Variants in SLC1A2 observed in about 807,000 individuals in gnomAD.
SLC1A2 encodes solute carrier family 1 member 2, also known as excitatory amino acid transporter 2.
Under a neutral mutation model 48.8 loss-of-function variants are expected in SLC1A2, and 15 were observed. That is an observed-to-expected ratio of 0.31 (90% CI 0.21 to 0.47). The LOEUF is 0.47. Among genes scored for constraint, SLC1A2 ranks in the 20% least tolerant of loss-of-function variants. The pLI is 0.99. For synonymous variants in SLC1A2, 279 were observed against 272.6 expected, an observed-to-expected ratio of 1.02 and a Z score of -0.23; for missense variants, 502 against 730.5, an observed-to-expected ratio of 0.69 and a Z score of 3.61.
At chr11:35,277,300 G>T (rs1229300711) in intron 9 of SLC1A2, among the ~76,000 whole-genome samples, 1 of 152,174 alleles carries the variant, frequency 6.6e-6, no homozygotes, top group African/African-American at 2.4e-5. Context: ...CAAATTAGGA[G>T]GCTGTGTGGA....
At chr11:35,410,534 G>A (rs1195872053) in intron 1 of SLC1A2, among the ~76,000 whole-genome samples, 10 of 152,134 alleles carry the variant, frequency 6.6e-5, no homozygotes, top group Non-Finnish European at 5.9e-5. Context: ...GGAAACAGTG[G>A]TGGATGCTGT....
chr11:35,380,513 G>C, intron 1 of SLC1A2: 2 of 398,152 alleles, frequency 5.0e-6, no homozygotes, highest in East Asian at 3.6e-5. Flanking sequence ...CTGATCTCTC[G>C]ATACATCTTA....
chr11:35,260,875 T>C lies in SLC1A2; in HGVS notation c.*19A>G. 1 of 1,581,236 alleles carries C rather than the reference T, an allele frequency of 6.3e-7. No individual in the cohort carries two copies. Among genetic ancestry groups the C allele is most frequent in the Non-Finnish European group, 8.7e-7 (1 of 1,149,982 alleles). On this transcript the variant is annotated 3_prime_UTR_variant, in exon 11 of 11. Transcript: ENST00000278379. ...ATACGCTGGGGAGTTTATTCAAGAATTTGCTGAGACTCATATCCTTATTTC... is the reference window on the plus strand; with the variant it reads ...ATACGCTGGGGAGTTTATTCAAGAACTTGCTGAGACTCATATCCTTATTTC...
At chr11:35,409,368 T>C (rs1010577142) in intron 1 of SLC1A2, among the ~76,000 whole-genome samples, 9 of 152,214 alleles carry the variant, frequency 5.9e-5, no homozygotes, top group African/African-American at 1.7e-4. Flanking sequence ...ATGGCTGCTG[T>C]CAACACTGAA....
chr11:35,381,834 C>T (rs1854432275), intron 1 of SLC1A2, among the ~76,000 whole-genome samples: 2 of 152,136 alleles, frequency 1.3e-5, no homozygotes, highest in African/African-American at 4.8e-5. Flanking sequence ...ATTGTCTTTC[C>T]CAGAAACACA....
At chr11:35,329,355 C>T (rs1852355012) in intron 1 of SLC1A2, among the ~76,000 whole-genome samples, 1 of 152,178 alleles carries the variant, frequency 6.6e-6, no homozygotes. Flanking sequence ...CTAATGTAAA[C>T]TAAGCACTCT....
Position 35,260,945 on chromosome 11 carries a change from T to G in SLC1A2, c.1674A>C (p.Gly558=). ...DECKVTLAAN[G]KSADCSVEEE... ...CCTCAACACTGCAGTCGGCTGACTT[T>G]CCATTGGCTGCCAGAGTTACCTGAA... Residue 558 remains glycine (G), a synonymous_variant, in exon 11 of 11, where the codon GGA becomes GGC. Coordinates refer to ENST00000278379, the MANE Select transcript of SLC1A2 (RefSeq NM_004171.4). The G allele has an allele frequency of 6.2e-7, 1 of 1,613,858 alleles. No homozygotes were observed. The highest frequency in any genetic ancestry group is 1.7e-5 in the Admixed American group (1 of 60,014).
At chr11:35,305,602 T>G (rs1264936052) in intron 5 of SLC1A2, among the ~76,000 whole-genome samples, 1 of 152,182 alleles carries the variant, frequency 6.6e-6, no homozygotes, top group Non-Finnish European at 1.5e-5. Context: ...AAAGCTCCCT[T>G]GGTACCTACT....
chr11:35,342,333 T>C (rs1175047244), intron 1 of SLC1A2, among the ~76,000 whole-genome samples: 2 of 152,194 alleles, frequency 1.3e-5, no homozygotes, highest in African/African-American at 4.8e-5. Context: ...ATAAAGGAAG[T>C]TATCCAGGAT....
intron 1 of SLC1A2, among the ~76,000 whole-genome samples, chr11:35,398,746 G>T (rs1855049303): frequency 6.6e-6 from 1 of 152,138 alleles, no homozygotes; most frequent in Non-Finnish European, 1.5e-5. Context: ...ACTAGGAAAT[G>T]GTCCATTCAT....
At chr11:35,365,682 T>C (rs1042489620) in intron 1 of SLC1A2, among the ~76,000 whole-genome samples, 3 of 152,244 alleles carry the variant, frequency 2.0e-5, no homozygotes, top group African/African-American at 7.2e-5. Context: ...TTCTGTTTTC[T>C]TTACATAATT....
intron 1 of SLC1A2, among the ~76,000 whole-genome samples, chr11:35,371,771 C>T (rs1197771320): frequency 1.3e-5 from 2 of 152,164 alleles, no homozygotes; most frequent in Non-Finnish European, 2.9e-5. Context: ...ATGCAGAACC[C>T]CAGGCCCCAA....
At chr11:35,332,186 A>G (rs991941918) in intron 1 of SLC1A2, among the ~76,000 whole-genome samples, 1 of 152,216 alleles carries the variant, frequency 6.6e-6, no homozygotes, top group African/African-American at 2.4e-5. Context: ...ACCACAAGTG[A>G]TCATGACTTG....
chr11:35,384,834 A>G (rs563127561), intron 1 of SLC1A2, among the ~76,000 whole-genome samples: 1 of 152,334 alleles, frequency 6.6e-6, no homozygotes, highest in East Asian at 1.9e-4. Context: ...CAACCCCTCT[A>G]AAGCCTAGAG....
intron 2 of SLC1A2, chr11:35,315,403 G>A: frequency 2.4e-6 from 1 of 410,496 alleles, no homozygotes; most frequent in South Asian, 2.9e-5. Context: ...AAAGAGTCAA[G>A]GAGAACTCAA....
intron 2 of SLC1A2, chr11:35,315,479 G>A (rs1406357690): frequency 1.1e-5 from 3 of 261,256 alleles, no homozygotes; most frequent in Non-Finnish European, 2.3e-5. Context: ...TCTACTTGGA[G>A]CCAGAAATTG....
At chr11:35,314,799 C>CT (rs1565236226) in intron 3 of SLC1A2, among the ~76,000 whole-genome samples, 6 of 103,264 alleles carry the variant, frequency 5.8e-5, no homozygotes, top group Non-Finnish European at 1.0e-4. Flanking sequence ...TTTTTTTTTT[C>CT]TTTTTTTTGC....
intron 1 of SLC1A2, among the ~76,000 whole-genome samples, chr11:35,340,735 C>T (rs956513608): frequency 6.6e-6 from 1 of 152,114 alleles, no homozygotes; most frequent in African/African-American, 2.4e-5. Context: ...AAAGGGAATG[C>T]TTTTTTAAAG....
intron 9 of SLC1A2, among the ~76,000 whole-genome samples, chr11:35,271,677 A>G (rs1462666082): frequency 6.6e-6 from 1 of 151,932 alleles, no homozygotes; most frequent in African/African-American, 2.4e-5. Flanking sequence ...CCCCATCTCT[A>G]CTAAAAATGC....
Sources: allele counts gnomAD v4.1 joint callset (sites outside exome capture counted in the v4.1 genomes callset), GRCh38; gene constraint gnomAD v4.1.1; transcripts MANE v1.5; gene names NCBI Gene and HGNC (gene_info 2026-07-23, HGNC 2026-07-21).